NUP42: variants seen among roughly 807,000 people sequenced by gnomAD.
NUP42 encodes the protein nucleoporin NUP42.
NUP42 carries 47 observed loss-of-function variants against 35.9 expected under a neutral mutation model. The ratio of observed to expected loss-of-function variants is 1.31; its 90% CI spans 1.04 to 1.67. NUP42 has a LOEUF of 1.67. NUP42 is among the 40% of genes most tolerant of loss of function. NUP42 has a pLI of 0.00. For synonymous variants in NUP42, 173 were observed against 173.3 expected, an observed-to-expected ratio of 1.00 and a Z score of 0.01; for missense variants, 514 against 492.2, an observed-to-expected ratio of 1.04 and a Z score of -0.42.
At chr7:23,187,214 C>A in intron 3 of NUP42, 68 bp downstream of exon 3, 1 of 1,079,826 alleles carries the variant, frequency 9.3e-7, no homozygotes, top group Non-Finnish European at 1.4e-6. Flanking sequence ...CAAAAGAATG[C>A]CAAATAAAGA....
chr7:23,182,234 A>T (rs777307860), intron 1 of NUP42, 28 bp downstream of exon 1: 227 of 1,579,374 alleles, frequency 1.4e-4, no homozygotes, highest in Non-Finnish European at 1.9e-4. Context: ...CCTCCGCGGT[A>T]ACCGAGCCGG....
Position 23,195,858 on chromosome 7 carries a change from A to T in NUP42, c.465A>T (p.Pro155=). The T allele has an allele frequency of 6.2e-7, 1 of 1,602,368 alleles. No homozygotes were observed. Among genetic ancestry groups the T allele is most frequent in the Non-Finnish European group, 8.5e-7 (1 of 1,174,982 alleles). The change falls in exon 4 of 7, where the codon CCA becomes CCT. Residue 155 remains proline, a synonymous_variant. Coordinates refer to ENST00000258742, the MANE Select transcript of NUP42 (RefSeq NM_007342.3). The part of the protein sequence containing the change: ...PNISGFTDIS[P]EELRLEYHNF... The stretch of plus-strand genomic sequence containing the variant: ...CTTCAGGTTTTACAGACATTTCACC[A>T]GAGGAATTGAGGCTTGAATACCATA...
In NUP42 at chr7:23,197,275, C is replaced by G. The variant is rs927265893; in HGVS notation, c.609+509C>G. 7 of 1,108,674 alleles carry G rather than the reference C, an allele frequency of 6.3e-6. No homozygotes were observed. In the African/African-American group the frequency reaches 9.8e-5, roughly 16 times the overall value. The allele number at this position is 1,108,674 out of a possible 1,614,324, so 68.7% of individuals were successfully genotyped here. A position where few individuals can be genotyped will look rare whatever the true frequency, so the allele number is the denominator to read the frequency against. Reference sequence around the variant, plus strand: ...AAATAAAGTTATGATGTTTCTACACCCATTAAAAAGTTCTTAAGAATTTTA... The same window carrying G: ...AAATAAAGTTATGATGTTTCTACACGCATTAAAAAGTTCTTAAGAATTTTA... On this transcript the variant is annotated intron_variant, in intron 5 of 6. Coordinates refer to ENST00000258742, the MANE Select transcript of NUP42 (RefSeq NM_007342.3).
At chr7:23,199,658 C>T in intron 6 of NUP42, 116 bp downstream of exon 6, 2 of 847,678 alleles carry the variant, frequency 2.4e-6, no homozygotes, top group Non-Finnish European at 3.9e-6. Flanking sequence ...TACAACCTTC[C>T]ATCATAGAGC....
At chr7:23,200,088 TAGG>T in intron 6 of NUP42, 77 bp from the exon 7 acceptor site, 2 of 993,814 alleles carry the variant, frequency 2.0e-6, no homozygotes, top group Non-Finnish European at 2.9e-6. Context: ...GAAAAAAAGA[TAGG>T]GGGAGGAAAT....
intron 2 of NUP42, among the ~76,000 whole-genome samples, chr7:23,186,443 T>A (rs1785599038): frequency 6.6e-6 from 1 of 152,242 alleles, no homozygotes; most frequent in Admixed American, 6.5e-5. Flanking sequence ...AGGGAGAAAC[T>A]TTAATTTAGA....
At chr7:23,190,653 A>T (rs1277348555) in intron 3 of NUP42, among the ~76,000 whole-genome samples, 1 of 152,226 alleles carries the variant, frequency 6.6e-6, no homozygotes, top group Admixed American at 6.5e-5. Flanking sequence ...ATGCAGCTAT[A>T]ATAGAATGAT....
chr7:23,198,261 G>A (rs894311532), intron 5 of NUP42: 2 of 128,282 alleles, frequency 1.6e-5, no homozygotes, highest in African/African-American at 6.5e-5. Flanking sequence ...CACCCAGGCT[G>A]GAGTGCAGTG....
At chr7:23,186,789 A>G (rs1269351419) in intron 2 of NUP42, among the ~76,000 whole-genome samples, 5 of 152,220 alleles carry the variant, frequency 3.3e-5, no homozygotes, top group African/African-American at 7.2e-5. Flanking sequence ...ATCATAACCA[A>G]TGTTATGTAT....
chr7:23,182,909 C>CAA lies in NUP42; in HGVS notation c.121+715_121+716dup, dbSNP rs572917944. On this transcript the variant is annotated intron_variant, in intron 1 of 6. Coordinates refer to ENST00000258742, the MANE Select transcript of NUP42 (RefSeq NM_007342.3). ...AGCCTGGGCGACAGAGCGAGACTAT[C>CAA]AAAAAAAAAAAAAGAAAGAAAGAAA... Among the ~76,000 whole-genome samples the CAA allele has an allele frequency of 4.5e-3, 431 of 96,760 alleles. 1 individual carries two copies. The highest frequency in any genetic ancestry group is 0.016 in the African/African-American group (407 of 26,120). The allele number at this position is 96,760 out of a possible 152,430, so 63.5% of individuals were successfully genotyped here.
chr7:23,196,499 A>G, intron 4 of NUP42, 181 bp from the exon 5 acceptor site: 1 of 542,148 alleles, frequency 1.8e-6, no homozygotes, highest in East Asian at 3.2e-5. Context: ...GGGAGAGGGA[A>G]CTGGAGCTGG....
chr7:23,194,452 C>G (rs1026903221), intron 3 of NUP42: 1 of 149,756 alleles, frequency 6.7e-6, no homozygotes, highest in African/African-American at 2.5e-5. Context: ...GGCTGGCCTT[C>G]CGGGTTCAAG....
In NUP42 at chr7:23,199,509, GGCAGCAGTCAA is replaced by G. The variant is rs1184487000; in HGVS notation, c.668_678del (p.Ser223AsnfsTer11). The G allele has an allele frequency of 6.2e-7, 1 of 1,613,868 alleles. No individual in the cohort carries two copies. The highest frequency in any genetic ancestry group is 8.5e-7 in the Non-Finnish European group (1 of 1,179,984). On this transcript the variant is annotated frameshift_variant, in exon 6 of 7. Transcript: ENST00000258742. LOFTEE classifies it low-confidence loss of function (END_TRUNC). ...TCAAGCAGCACCTGCATTTGGATTT[GGCAGCAGTCAA>G]GCAGCAACATTTATGTCGCCAGGTA... is the stretch of plus-strand genomic sequence containing the variant.
At chr7:23,184,981 G>C in intron 1 of NUP42, 89 bp from the exon 2 acceptor site, 1 of 1,106,728 alleles carries the variant, frequency 9.0e-7, no homozygotes. Flanking sequence ...ACTCCACCCT[G>C]GGCAAAAGAG....
At position 23,182,445 on chromosome 7, in the gene NUP42, A is replaced by C. The variant is rs776583996; in HGVS notation, c.121+239A>C. 817 of 1,327,910 alleles carry C rather than the reference A, an allele frequency of 6.2e-4. 1 individual carries two copies. Among genetic ancestry groups the C allele is most frequent in the Non-Finnish European group, 7.4e-4 (762 of 1,035,216 alleles). 82.3% of individuals were successfully genotyped at this position (1,327,910 alleles called of 1,614,324 possible). A position where few individuals can be genotyped will look rare whatever the true frequency, so the allele number is the denominator to read the frequency against. On this transcript the variant is annotated intron_variant, in intron 1 of 6. Transcript: ENST00000258742. ...GGTTTGGGCCTGGATGCTTGTGCGA[A>C]ACTGAGTTTTTAAATCGGAAGTACC...
chr7:23,199,825 C>T (rs1280003301), intron 6 of NUP42, among the ~76,000 whole-genome samples: 1 of 152,228 alleles, frequency 6.6e-6, no homozygotes, highest in Non-Finnish European at 1.5e-5. Flanking sequence ...TGAGAACTTT[C>T]TTGTCACTGT....
chr7:23,197,248 G>A, intron 5 of NUP42: 1 of 1,282,438 alleles, frequency 7.8e-7, no homozygotes, highest in Non-Finnish European at 1.0e-6. Context: ...CATTATCTTT[G>A]TAAATAAAGT....
At chr7:23,187,629 G>A (rs560084170) in intron 3 of NUP42, among the ~76,000 whole-genome samples, 4 of 116,302 alleles carry the variant, frequency 3.4e-5, no homozygotes, top group South Asian at 2.6e-4. Context: ...TTTTTGAGAC[G>A]GAGTTTCACT....
intron 3 of NUP42, among the ~76,000 whole-genome samples, chr7:23,193,498 A>G (rs1785886734): frequency 6.6e-6 from 1 of 152,224 alleles, no homozygotes; most frequent in Non-Finnish European, 1.5e-5. Flanking sequence ...GTAGCTAGAT[A>G]CAGTGTTGAT....
Sources: allele counts gnomAD v4.1 joint callset (sites outside exome capture counted in the v4.1 genomes callset), GRCh38; gene constraint gnomAD v4.1.1; transcripts MANE v1.5; gene names NCBI Gene and HGNC (gene_info 2026-07-23, HGNC 2026-07-21).